Variants in LEMD3 observed in about 807,000 individuals in gnomAD.
LEMD3 encodes inner nuclear membrane protein Man1.
Under a neutral mutation model 95.2 loss-of-function variants are expected in LEMD3, and 33 were observed. The observed-to-expected ratio is 0.35, with a 90% CI of 0.26 to 0.46. LEMD3 has a LOEUF of 0.46. Ranked by LOEUF, LEMD3 falls within the 20% of genes least tolerant of loss-of-function variation. The probability of loss-of-function intolerance (pLI) is 1.00; values close to 1 mark genes in which losing one functional copy is unlikely to be tolerated. For missense variants in LEMD3, 1,210 were observed against 1,192.8 expected (o/e 1.01, Z -0.21); for synonymous variants, 525 against 474.6 (o/e 1.11, Z -1.38).
chr12:65,213,630 A>G lies in LEMD3; in HGVS notation c.1561-2347A>G, dbSNP rs899993742. ...GAATGTAACAGTATGTATGTCATCC[A>G]GTATGAGATCAGTTCCATCTGGTTA... On this transcript the variant is annotated intron_variant, in intron 2 of 12. Coordinates refer to ENST00000308330, the MANE Select transcript of LEMD3 (RefSeq NM_014319.5). Among the ~76,000 whole-genome samples, 4 of 152,238 alleles carry G rather than the reference A, an allele frequency of 2.6e-5. No individual in the cohort carries two copies. The South Asian group carries it at 6.2e-4, about 24-fold the overall frequency.
rs770000098 is a variant in LEMD3 at position 65,171,065 on chromosome 12, T to G, written c.1469T>G (p.Leu490Arg). The change falls in exon 1 of 13, where the codon CTG becomes CGG. Residue 490 changes from leucine to arginine, a missense_variant. Leu to Arg is a moderately radical substitution (Grantham distance 102). Transcript: ENST00000308330. ...TGCTTATTTTTCCTAATACTGGGAC[T>G]GACTTACCTAGGAATGAGAGGGACA... is the stretch of plus-strand genomic sequence containing the variant. ...AACLFFLILG[L>R]TYLGMRGTGV... 6.2e-7 allele frequency: 1 copy of G among 1,614,048 alleles called. No individual in the cohort carries two copies. Among genetic ancestry groups the G allele is most frequent in the Non-Finnish European group, 8.5e-7 (1 of 1,180,034 alleles).
intron 4 of LEMD3, among the ~76,000 whole-genome samples, chr12:65,236,317 G>A (rs1592461053): frequency 6.6e-6 from 1 of 152,142 alleles, no homozygotes; most frequent in Admixed American, 6.5e-5. Context: ...CAAGGCAGGC[G>A]GATCACTTGA....
intron 6 of LEMD3, among the ~76,000 whole-genome samples, 164 bp from the exon 7 acceptor site, chr12:65,239,765 G>A (rs1327711096): frequency 1.3e-5 from 2 of 152,080 alleles, no homozygotes; most frequent in Non-Finnish European, 2.9e-5. Context: ...TGAATCTTTG[G>A]AAAATGTTCA....
intron 4 of LEMD3, among the ~76,000 whole-genome samples, chr12:65,236,267 C>T (rs1870769643): frequency 6.6e-6 from 1 of 152,148 alleles, no homozygotes; most frequent in South Asian, 2.1e-4. Flanking sequence ...ACGAGCCAGG[C>T]ACAGTGGCTC....
At chr12:65,221,771 C>T in intron 4 of LEMD3, among the ~76,000 whole-genome samples, 1 of 140,734 alleles carries the variant, frequency 7.1e-6, no homozygotes, top group African/African-American at 2.7e-5. Context: ...GACAGAGTCT[C>T]ACTCTGTCGC....
intron 1 of LEMD3, among the ~76,000 whole-genome samples, chr12:65,205,469 T>C (rs1459445989): frequency 2.0e-5 from 3 of 152,202 alleles, no homozygotes; most frequent in Non-Finnish European, 4.4e-5. Context: ...TTTGACCTTT[T>C]ACTTCCTTAG....
chr12:65,173,295 T>C, intron 1 of LEMD3, among the ~76,000 whole-genome samples: 1 of 152,186 alleles, frequency 6.6e-6, no homozygotes, highest in African/African-American at 2.4e-5. Flanking sequence ...TTCTCATCAG[T>C]GTTAAGATGA....
chr12:65,222,000 C>A (rs902621545), intron 4 of LEMD3, among the ~76,000 whole-genome samples: 1 of 152,100 alleles, frequency 6.6e-6, no homozygotes, highest in African/African-American at 2.4e-5. Context: ...ACCTCGGCCT[C>A]CCAAAGTGCT....
intron 9 of LEMD3, among the ~76,000 whole-genome samples, chr12:65,242,313 C>CT (rs891164107): frequency 3.3e-5 from 5 of 152,038 alleles, no homozygotes; most frequent in Non-Finnish European, 5.9e-5. Context: ...TCAAGGCCAT[C>CT]TTTTTTTTCC....
intron 1 of LEMD3, among the ~76,000 whole-genome samples, chr12:65,174,892 A>G (rs926312015): frequency 1.3e-5 from 2 of 152,178 alleles, no homozygotes; most frequent in East Asian, 3.8e-4. Context: ...AGGTGAAGAG[A>G]TATGCAATAT....
chr12:65,172,872 C>T lies in LEMD3; in HGVS notation c.1522+1754C>T, dbSNP rs530620615. On this transcript the variant is annotated intron_variant, in intron 1 of 12. Coordinates refer to ENST00000308330, the MANE Select transcript of LEMD3 (RefSeq NM_014319.5). ...TCCCAAGTAGCTGGGACTACATGCG[C>T]GTGCCGCCACACCTGGCTAAATTTT... Among the ~76,000 whole-genome samples, 563 of 152,136 alleles carry T rather than the reference C, an allele frequency of 3.7e-3. 3 individuals carry two copies. Among genetic ancestry groups the T allele is most frequent in the African/African-American group, 0.013 (538 of 41,518 alleles).
intron 4 of LEMD3, among the ~76,000 whole-genome samples, chr12:65,231,452 G>C (rs1870625917): frequency 6.6e-6 from 1 of 152,056 alleles, no homozygotes; most frequent in African/African-American, 2.4e-5. Flanking sequence ...TGGGAGGCCA[G>C]GGCAGGAGGA....
intron 1 of LEMD3, chr12:65,171,547 C>A (rs1235138708): frequency 1.0e-5 from 2 of 196,416 alleles, no homozygotes; most frequent in East Asian, 1.2e-4. Context: ...TCTTGAAATT[C>A]GAATTATTTT....
rs1871090091 is a variant in LEMD3 at position 65,245,853 on chromosome 12, T to C, written c.2494-8T>C. 1.2e-6 allele frequency: 2 copies of C among 1,609,758 alleles called. No homozygotes were observed. The highest frequency in any genetic ancestry group is 2.7e-5 in the African/African-American group (2 of 74,806). Reference sequence around the variant, plus strand: ...TAAGACTATTTTCTTTCTTTTTTAATATCACAGGGTTGTGTATATGTTAAA... The same window carrying C: ...TAAGACTATTTTCTTTCTTTTTTAACATCACAGGGTTGTGTATATGTTAAA... On this transcript the variant is annotated splice_polypyrimidine_tract_variant and splice_region_variant and intron_variant, in intron 11 of 12. Coordinates refer to ENST00000308330, the MANE Select transcript of LEMD3 (RefSeq NM_014319.5).
At chr12:65,222,656 T>C (rs1870327557) in intron 4 of LEMD3, among the ~76,000 whole-genome samples, 1 of 152,100 alleles carries the variant, frequency 6.6e-6, no homozygotes, top group Non-Finnish European at 1.5e-5. Context: ...TTATTTTTGC[T>C]CCAATCTTTA....
At chr12:65,240,702 G>A in intron 8 of LEMD3, 1 of 584,184 alleles carries the variant, frequency 1.7e-6, no homozygotes, top group Non-Finnish European at 3.0e-6. Flanking sequence ...AGCTTTTGGG[G>A]AAAAAAAATA....
intron 4 of LEMD3, 132 bp downstream of exon 4, chr12:65,218,751 A>G (rs1367473644): frequency 2.0e-6 from 1 of 496,240 alleles, no homozygotes. Flanking sequence ...TTGGTATAAT[A>G]TGAGCAGTTA....
At chr12:65,235,944 A>C (rs1385120020) in intron 4 of LEMD3, among the ~76,000 whole-genome samples, 1 of 152,198 alleles carries the variant, frequency 6.6e-6, no homozygotes, top group East Asian at 1.9e-4. Context: ...CCAAGCTTAA[A>C]AAAACAGATG....
rs1565801086 is a variant in LEMD3, at chr12:65,243,389, A to AT, written c.2310dup (p.His771SerfsTer4). The AT allele has an allele frequency of 6.4e-7, 1 of 1,570,188 alleles. No individual in the cohort carries two copies. The highest frequency in any genetic ancestry group is 8.8e-7 in the Non-Finnish European group (1 of 1,140,084). On this transcript the variant is annotated frameshift_variant and splice_region_variant, in exon 10 of 13. Transcript: ENST00000308330. LOFTEE classifies it high-confidence loss of function. Reference sequence around the variant, plus strand: ...GTAAAACTAACTTGTTTTTTGTAGCATTTCATTTAGATAGAAGAAATTCAC... The same window carrying AT: ...GTAAAACTAACTTGTTTTTTGTAGCATTTTCATTTAGATAGAAGAAATTCAC...
Sources: allele counts gnomAD v4.1 joint callset (sites outside exome capture counted in the v4.1 genomes callset), GRCh38; gene constraint gnomAD v4.1.1; transcripts MANE v1.5; gene names NCBI Gene and HGNC (gene_info 2026-07-23, HGNC 2026-07-21).